Variants in NBL1 observed in about 807,000 individuals in gnomAD.
NBL1 encodes the protein neuroblastoma suppressor of tumorigenicity 1.
A neutral mutation model predicts 16.0 loss-of-function variants in NBL1; 9 were observed. The observed-to-expected ratio is 0.56, with a 90% CI of 0.34 to 0.98. The LOEUF (loss-of-function observed/expected upper bound fraction) is 0.98, where lower values mean the gene tolerates loss of function less well. NBL1 is among the 50% of genes least tolerant of loss of function. The pLI, the probability that NBL1 is intolerant of heterozygous loss-of-function variation, is 0.02. For missense variants in NBL1, 196 were observed against 243.1 expected (o/e 0.81, Z 1.29); for synonymous variants, 86 against 100.7 (o/e 0.85, Z 0.87).
At chr1:19,655,297 C>T (rs751636272) in intron 2 of NBL1, 27 bp from the exon 3 acceptor site, 15 of 1,613,394 alleles carry the variant, frequency 9.3e-6, no homozygotes, top group Admixed American at 3.3e-5. Context: ...AACAGTGACA[C>T]AGGCATGGTG....
upstream of NBL1, chr1:19,643,342 A>G: frequency 6.2e-7 from 1 of 1,614,026 alleles, no homozygotes; most frequent in Non-Finnish European, 8.5e-7. This position sits in a 1 kb window ranked among gnomAD's most constrained non-coding sequence, Gnocchi z 4.7. Context: ...TCAGACAAGC[A>G]GGGCTGTGTC....
At chr1:19,644,018 C>G (rs2094961941), upstream of NBL1, 1 of 984,664 alleles carries the variant, frequency 1.0e-6, no homozygotes, top group African/African-American at 1.7e-5. This position sits in a 1 kb window ranked among gnomAD's most constrained non-coding sequence, Gnocchi z 4.6. Flanking sequence ...AAGAACGGGC[C>G]AGGGCGCCCG....
chr1:19,645,457 A>C, intron 1 of NBL1: 1 of 991,918 alleles, frequency 1.0e-6, no homozygotes, highest in Non-Finnish European at 1.2e-6. Flanking sequence ...CCACACTTCC[A>C]GGCTTTCGGA....
At chr1:19,650,920 C>T (rs1336147334) in intron 1 of NBL1, among the ~76,000 whole-genome samples, 2 of 152,164 alleles carry the variant, frequency 1.3e-5, no homozygotes, top group African/African-American at 4.8e-5. Context: ...GGATGACAGC[C>T]GTGTGTGGGA....
rs554570050 is a variant in NBL1 at position 19,646,479 on chromosome 1, C to T, written c.-20+2033C>T. 4.6e-5 allele frequency among the ~76,000 whole-genome samples: 7 copies of T among 152,306 alleles called. No homozygotes were observed. In the East Asian group the frequency reaches 7.7e-4, roughly 17 times the overall value. The stretch of plus-strand genomic sequence containing the variant: ...GAAACCCGGTTGGGCTGACCAGAGC[C>T]GGGGCCTGACCTGGGTGAGCAGGGA... On this transcript the variant is annotated intron_variant, in intron 1 of 3. Transcript: ENST00000375136.
At position 19,657,390 on chromosome 1, in the gene NBL1, T is replaced by G; in HGVS notation, c.*261T>G. The G allele has an allele frequency of 9.6e-6, 2 of 208,202 alleles. No individual in the cohort carries two copies. The highest frequency in any genetic ancestry group is 1.9e-5 in the Non-Finnish European group (2 of 107,266). The allele number at this position is 208,202 out of a possible 1,614,324, so 12.9% of individuals were successfully genotyped here. A position where few individuals can be genotyped will look rare whatever the true frequency, so the allele number is the denominator to read the frequency against. On this transcript the variant is annotated 3_prime_UTR_variant, in exon 4 of 4. Coordinates refer to ENST00000375136, the MANE Select transcript of NBL1 (RefSeq NM_005380.8). ...TTTTTTGGGGGGGGTGGTCTCTTCC[T>G]GTCTGGCTTCTAGAGATGTGCCTGT...
At position 19,644,469 on chromosome 1, in the gene NBL1, C is replaced by T. The variant is rs1486264046; in HGVS notation, c.-20+23C>T. 13 of 978,174 alleles carry T rather than the reference C, an allele frequency of 1.3e-5. No homozygotes were observed. The highest frequency in any genetic ancestry group is 1.6e-5 in the Non-Finnish European group (13 of 826,528). 60.6% of individuals were successfully genotyped at this position (978,174 alleles called of 1,614,324 possible). A position where few individuals can be genotyped will look rare whatever the true frequency, so the allele number is the denominator to read the frequency against. On this transcript the variant is annotated intron_variant, in intron 1 of 3. Coordinates refer to ENST00000375136, the MANE Select transcript of NBL1 (RefSeq NM_005380.8). The surrounding 1 kb of genome is among the most constrained non-coding windows in gnomAD (Gnocchi z 4.6). ...GCGGTAAGTCCCGCCCGGGTCGGCA[C>T]GCGGGCGCCCGGCTTCCAGAGGCTT...
intron 1 of NBL1, among the ~76,000 whole-genome samples, chr1:19,654,691 G>A (rs779679681): frequency 2.0e-5 from 3 of 151,968 alleles, no homozygotes; most frequent in Non-Finnish European, 4.4e-5. Flanking sequence ...AAGAAACCGA[G>A]GCACCGAGAT....
upstream of NBL1, chr1:19,644,028 GGCT>G: frequency 1.0e-6 from 1 of 983,696 alleles, no homozygotes; most frequent in Non-Finnish European, 1.2e-6. This position sits in a 1 kb window ranked among gnomAD's most constrained non-coding sequence, Gnocchi z 4.6. Context: ...CAGGGCGCCC[GGCT>G]GGGCTGCCCT....
At chr1:19,648,269 G>A (rs888735479) in intron 1 of NBL1, among the ~76,000 whole-genome samples, 18 of 152,178 alleles carry the variant, frequency 1.2e-4, no homozygotes, top group South Asian at 4.1e-4. Context: ...TCCAGGTACC[G>A]GAATCCAGGC....
In NBL1 at chr1:19,645,422, G is replaced by A. The variant is rs1018958882; in HGVS notation, c.-20+976G>A. The A allele has an allele frequency of 8.1e-6, 8 of 988,024 alleles. No individual in the cohort carries two copies. In the Admixed American group the frequency reaches 4.7e-4, roughly 58 times the overall value. 61.2% of individuals were successfully genotyped at this position (988,024 alleles called of 1,614,324 possible). ...AGCCGCCTGCCTTGGCGTGGCCGGA[G>A]GTTGGCGGGCATCAAGGGAGAAAGC... is the stretch of plus-strand genomic sequence containing the variant. On this transcript the variant is annotated intron_variant, in intron 1 of 3. Coordinates refer to ENST00000375136, the MANE Select transcript of NBL1 (RefSeq NM_005380.8).
chr1:19,643,313 T>C (rs771026603), upstream of NBL1: 1 of 1,613,878 alleles, frequency 6.2e-7, no homozygotes, highest in South Asian at 1.1e-5. This position sits in a 1 kb window ranked among gnomAD's most constrained non-coding sequence, Gnocchi z 4.7. Context: ...CCACCCAGGA[T>C]GCCCGGCAAC....
chr1:19,645,977 C>A, intron 1 of NBL1: 1 of 1,550,548 alleles, frequency 6.4e-7, no homozygotes, highest in Non-Finnish European at 8.7e-7. Context: ...TGCAGCAGCT[C>A]ATTAGCATGG....
intron 2 of NBL1, 49 bp from the exon 3 acceptor site, chr1:19,655,274 TC>T: frequency 6.2e-7 from 1 of 1,612,486 alleles, no homozygotes; most frequent in Non-Finnish European, 8.5e-7. Context: ...GGGCTGCCCA[TC>T]CCTGCCTCCC....
chr1:19,653,282 T>C (rs2100432565), intron 1 of NBL1, among the ~76,000 whole-genome samples: 1 of 80,366 alleles, frequency 1.2e-5, no homozygotes, highest in South Asian at 4.5e-4. Flanking sequence ...CGAGACTCCG[T>C]CTCAAAAAAA....
intron 3 of NBL1, among the ~76,000 whole-genome samples, chr1:19,656,259 A>G (rs1223274249): frequency 6.6e-6 from 1 of 151,820 alleles, no homozygotes; most frequent in Non-Finnish European, 1.5e-5. Context: ...GGGTGATGAT[A>G]GGGGCAGAGT....
At position 19,644,431 on chromosome 1, in the gene NBL1, C is replaced by T; in HGVS notation, c.-35C>T. 2.0e-6 allele frequency: 2 copies of T among 979,104 alleles called. No individual in the cohort carries two copies. Among genetic ancestry groups the T allele is most frequent in the Non-Finnish European group, 2.4e-6 (2 of 827,504 alleles). 60.7% of individuals were successfully genotyped at this position (979,104 alleles called of 1,614,324 possible). On this transcript the variant is annotated 5_prime_UTR_variant, in exon 1 of 4. Coordinates refer to ENST00000375136, the MANE Select transcript of NBL1 (RefSeq NM_005380.8). This position sits in a 1 kb window ranked among gnomAD's most constrained non-coding sequence, Gnocchi z 4.6. ...GACCCCCGCACCCAGCTCCGCAGGA[C>T]CGGCGGGCGCGCGCGGTAAGTCCCG...
At position 19,644,326 on chromosome 1, in the gene NBL1, C is replaced by G. The variant is rs2094964302; in HGVS notation, c.-140C>G. ...GCCCGGGGCCGCAGACAGCGCGCAG[C>G]GCAGCCCAGCCGAGCGTCGCGGGGC... On this transcript the variant is annotated 5_prime_UTR_variant, in exon 1 of 4. Transcript: ENST00000375136. This position sits in a 1 kb window ranked among gnomAD's most constrained non-coding sequence, Gnocchi z 4.6. 3.1e-6 allele frequency: 3 copies of G among 979,182 alleles called. No individual in the cohort carries two copies. The South Asian group carries it at 1.4e-4, about 46-fold the overall frequency. 60.7% of individuals were successfully genotyped at this position (979,182 alleles called of 1,614,324 possible).
Position 19,656,948 on chromosome 1 carries a change from C to T in NBL1, c.365C>T (p.Ala122Val), listed in dbSNP as rs1284244138. The T allele has an allele frequency of 1.2e-6, 2 of 1,612,920 alleles. No homozygotes were observed. The highest frequency in any genetic ancestry group is 2.2e-5 in the East Asian group (1 of 44,852). ...AAGATCCTGCACTGTAGCTGCCAGGCCTGCGGCAAGGAGCCTAGTCACGAG... is the reference window on the plus strand; with the variant it reads ...AAGATCCTGCACTGTAGCTGCCAGGTCTGCGGCAAGGAGCCTAGTCACGAG... ...VEKILHCSCQ[A>V]CGKEPSHEGL... The change falls in exon 4 of 4, where the codon GCC (alanine) becomes GTC (valine). Residue 122 changes from alanine to valine, a missense_variant. Transcript: ENST00000375136.
Sources: allele counts gnomAD v4.1 joint callset (sites outside exome capture counted in the v4.1 genomes callset), GRCh38; gene constraint gnomAD v4.1.1; non-coding constraint Gnocchi (gnomAD v3.1); transcripts MANE v1.5; gene names NCBI Gene and HGNC (gene_info 2026-07-23, HGNC 2026-07-21).